IGF1: variants seen among roughly 807,000 people sequenced by gnomAD.
The protein encoded by IGF1 is insulin like growth factor 1.
A neutral mutation model predicts 13.8 loss-of-function variants in IGF1; 4 were observed. The ratio of observed to expected loss-of-function variants is 0.29; its 90% CI spans 0.14 to 0.66. The LOEUF (loss-of-function observed/expected upper bound fraction) is 0.66. IGF1 is among the 30% of genes least tolerant of loss of function. The pLI is 0.78. For missense variants in IGF1, 124 were observed against 188.5 expected, an observed-to-expected ratio of 0.66 and a Z score of 2.00; for synonymous variants, 76 against 72.6, an observed-to-expected ratio of 1.05 and a Z score of -0.23.
intron 2 of IGF1, among the ~76,000 whole-genome samples, chr12:102,473,527 A>G (rs1880815876): frequency 6.6e-6 from 1 of 152,232 alleles, no homozygotes; most frequent in Admixed American, 6.5e-5. Context: ...GCATGAGGGT[A>G]TGTCGGATTA....
intron 2 of IGF1, among the ~76,000 whole-genome samples, chr12:102,437,455 T>C (rs781406613): frequency 2.3e-4 from 35 of 152,274 alleles, no homozygotes; most frequent in Non-Finnish European, 4.8e-4. Context: ...TTTAGTTTGA[T>C]GTAATCCCAT....
chr12:102,424,195 T>C (rs997467118), intron 2 of IGF1, among the ~76,000 whole-genome samples: 1 of 151,730 alleles, frequency 6.6e-6, no homozygotes, highest in East Asian at 1.9e-4. Flanking sequence ...AATAAAACTA[T>C]TCTTTAGAAA....
chr12:102,400,046 A>C lies in IGF1; in HGVS notation c.*2461T>G, dbSNP rs1022528516. On this transcript the variant is annotated 3_prime_UTR_variant, in exon 4 of 4. Coordinates refer to ENST00000337514, the MANE Select transcript of IGF1 (RefSeq NM_000618.5). ...TCAATTCAAATAATGTTGGACTGAG[A>C]GTTAAAATACTTGTTGACTGAACAG... 1 of 152,022 alleles carries C rather than the reference A, an allele frequency of 6.6e-6. No homozygotes were observed. Among genetic ancestry groups the C allele is most frequent in the Non-Finnish European group, 1.5e-5 (1 of 68,002 alleles). The allele number at this position is 152,022 out of a possible 1,614,324, so 9.4% of individuals were successfully genotyped here. A position where few individuals can be genotyped will look rare whatever the true frequency, so the allele number is the denominator to read the frequency against.
intron 1 of IGF1, among the ~76,000 whole-genome samples, chr12:102,478,834 C>T (rs964058057): frequency 6.6e-6 from 1 of 152,180 alleles, no homozygotes; most frequent in African/African-American, 2.4e-5. Flanking sequence ...CCGACTCACT[C>T]ACTTGGAAAT....
chr12:102,432,952 G>A (rs1391894040), intron 2 of IGF1, among the ~76,000 whole-genome samples: 1 of 152,152 alleles, frequency 6.6e-6, no homozygotes, highest in South Asian at 2.1e-4. Context: ...TTTCTTCTCT[G>A]GGGTAGGGAG....
chr12:102,451,251 A>T, intron 2 of IGF1, among the ~76,000 whole-genome samples: 1 of 152,262 alleles, frequency 6.6e-6, no homozygotes, highest in East Asian at 1.9e-4. Flanking sequence ...TAACTCTTTG[A>T]TGCATTTGAT....
intron 3 of IGF1, among the ~76,000 whole-genome samples, chr12:102,405,869 G>C (rs534015261): frequency 1.8e-4 from 27 of 152,340 alleles, no homozygotes; most frequent in African/African-American, 6.5e-4. Flanking sequence ...ATAGCAAAAA[G>C]AATTGAGGTT....
At chr12:102,403,933 C>A (rs1177334697) in intron 3 of IGF1, among the ~76,000 whole-genome samples, 1 of 151,928 alleles carries the variant, frequency 6.6e-6, no homozygotes, top group African/African-American at 2.4e-5. Context: ...ATGAGGGACC[C>A]CCTTGTGATG....
In IGF1 at chr12:102,396,641, T is replaced by A; in HGVS notation, c.*5866A>T. 2.7e-6 allele frequency: 1 copy of A among 374,692 alleles called. No individual in the cohort carries two copies. Among genetic ancestry groups the A allele is most frequent in the Non-Finnish European group, 4.7e-6 (1 of 211,728 alleles). The allele number at this position is 374,692 out of a possible 1,614,324, so 23.2% of individuals were successfully genotyped here. On this transcript the variant is annotated 3_prime_UTR_variant, in exon 4 of 4. Transcript: ENST00000337514. ...AGTAATGTTTACTTTTAGGCCTCAGTAATATAAAAAAAGGCAGATTCTAAG... is the reference window on the plus strand; with the variant it reads ...AGTAATGTTTACTTTTAGGCCTCAGAAATATAAAAAAAGGCAGATTCTAAG...
At chr12:102,430,876 A>G (rs770354557) in intron 2 of IGF1, among the ~76,000 whole-genome samples, 4 of 152,070 alleles carry the variant, frequency 2.6e-5, no homozygotes, top group Non-Finnish European at 5.9e-5. Context: ...AGCCATCACA[A>G]ATTCTTTGCA....
chr12:102,450,401 C>T (rs968247802), intron 2 of IGF1, among the ~76,000 whole-genome samples: 1 of 152,234 alleles, frequency 6.6e-6, no homozygotes, highest in Non-Finnish European at 1.5e-5. Context: ...TGAAGCATCT[C>T]TTGCTCCGAT....
intron 1 of IGF1, among the ~76,000 whole-genome samples, chr12:102,479,407 G>GA (rs1020854693): frequency 3.8e-4 from 57 of 148,812 alleles, no homozygotes; most frequent in Admixed American, 8.0e-4. Context: ...CTTGCAAATT[G>GA]AAAAAAAAAC....
intron 2 of IGF1, among the ~76,000 whole-genome samples, chr12:102,420,550 T>C (rs1266710811): frequency 1.3e-5 from 2 of 152,156 alleles, no homozygotes; most frequent in South Asian, 4.2e-4. Context: ...TGAAGAAGCA[T>C]TGTCACTATT....
chr12:102,396,738 A>C lies in IGF1; in HGVS notation c.*5769T>G. 2.5e-6 allele frequency: 1 copy of C among 395,428 alleles called. No individual in the cohort carries two copies. Among genetic ancestry groups the C allele is most frequent in the Non-Finnish European group, 4.5e-6 (1 of 224,246 alleles). The allele number at this position is 395,428 out of a possible 1,614,324, so 24.5% of individuals were successfully genotyped here. On this transcript the variant is annotated 3_prime_UTR_variant, in exon 4 of 4. Transcript: ENST00000337514. ...GGTTATTAGGAGAAACTCTGTCTCC[A>C]TCTTAACTCATATTTCAGTTGAGCA...
intron 2 of IGF1, among the ~76,000 whole-genome samples, chr12:102,461,605 T>A (rs1879902662): frequency 6.6e-6 from 1 of 152,158 alleles, no homozygotes; most frequent in Admixed American, 6.5e-5. Context: ...TTGAAAAATG[T>A]AACTATTGAA....
At chr12:102,444,281 G>A (rs531976955) in intron 2 of IGF1, among the ~76,000 whole-genome samples, 1 of 151,686 alleles carries the variant, frequency 6.6e-6, no homozygotes, top group South Asian at 2.1e-4. Flanking sequence ...GTTTTGTCCA[G>A]GGCAGTTCTT....
chr12:102,448,786 A>T (rs1878623883), intron 2 of IGF1, among the ~76,000 whole-genome samples: 1 of 152,022 alleles, frequency 6.6e-6, no homozygotes, highest in African/African-American at 2.4e-5. Context: ...CAGCCATCGG[A>T]CATGAAAAAA....
At chr12:102,473,841 A>C (rs1437011591) in intron 2 of IGF1, among the ~76,000 whole-genome samples, 1 of 152,220 alleles carries the variant, frequency 6.6e-6, no homozygotes, top group Non-Finnish European at 1.5e-5. Flanking sequence ...CTTAGGAACA[A>C]TCATTTTTTC....
intron 2 of IGF1, among the ~76,000 whole-genome samples, chr12:102,462,141 T>G (rs1434303231): frequency 6.6e-6 from 1 of 152,232 alleles, no homozygotes; most frequent in Non-Finnish European, 1.5e-5. Context: ...CACTAAGCTT[T>G]GTTTTTCCTA....
Sources: gnomAD v4.1 joint callset for allele counts (sites outside exome capture counted in the v4.1 genomes callset) on GRCh38, gnomAD v4.1.1 for gene constraint, MANE v1.5 for transcripts, NCBI Gene and HGNC (gene_info 2026-07-23, HGNC 2026-07-21) for gene names.